ABCA4: variants seen among roughly 807,000 people sequenced by gnomAD.
The protein encoded by ABCA4 is ATP binding cassette subfamily A member 4.
ABCA4 carries 196 observed loss-of-function variants against 263.7 expected under a neutral mutation model. That is an observed-to-expected ratio of 0.74 (90% CI 0.66 to 0.84). The LOEUF (loss-of-function observed/expected upper bound fraction) is 0.84. Ranked by LOEUF, ABCA4 falls within the 40% of genes least tolerant of loss-of-function variation. The pLI, the probability that ABCA4 is intolerant of heterozygous loss-of-function variation, is 0.00. For missense variants in ABCA4, 2,792 were observed against 2,855.1 expected, an observed-to-expected ratio of 0.98 and a Z score of 0.50; for synonymous variants, 1,133 against 1,094.2, an observed-to-expected ratio of 1.04 and a Z score of -0.70.
intron 49 of ABCA4, 67 bp downstream of exon 49, chr1:93,996,042 G>A (rs2100985401): frequency 1.3e-6 from 2 of 1,481,598 alleles, no homozygotes; most frequent in Non-Finnish European, 1.9e-6. Flanking sequence ...CTCAAGCCCA[G>A]TGAACCAGCT....
rs192359973 is a variant in ABCA4, at chr1:94,087,235, C to T, written c.769-3794G>A. 1.8e-3 allele frequency among the ~76,000 whole-genome samples: 280 copies of T among 152,214 alleles called. 2 individuals carry two copies. Among genetic ancestry groups the T allele is most frequent in the African/African-American group, 6.5e-3 (271 of 41,526 alleles). On this transcript the variant is annotated intron_variant, in intron 6 of 49. Coordinates refer to ENST00000370225, the MANE Select transcript of ABCA4 (RefSeq NM_000350.3). The stretch of plus-strand genomic sequence containing the variant: ...CATGCATCTCCTCTTCATTTTTATC[C>T]CCCTGTTGCCTAAACGTCCTAATAA...
At chr1:94,019,395 C>T (rs1659830747) in intron 36 of ABCA4, 187 bp downstream of exon 36, 3 of 664,082 alleles carry the variant, frequency 4.5e-6, no homozygotes, top group South Asian at 3.9e-5. Context: ...TAGCTTCGGG[C>T]TCCTAGTTCT....
At chr1:94,112,676 A>G (rs1249614202) in intron 2 of ABCA4, among the ~76,000 whole-genome samples, 4 of 152,202 alleles carry the variant, frequency 2.6e-5, no homozygotes, top group Non-Finnish European at 5.9e-5. Context: ...CATGCCTATA[A>G]TTCCAGCACT....
rs376893376 is a variant in ABCA4, at chr1:94,015,730, A to G, written c.5312+9T>C. On this transcript the variant is annotated intron_variant, in intron 37 of 49. Transcript: ENST00000370225. ...TCAGAGGCATTAGCTAATGGCCCAA[A>G]CGGCTTACCCATACAGCAGGAGCAG... 6.2e-7 allele frequency: 1 copy of G among 1,611,378 alleles called. No individual in the cohort carries two copies. Among genetic ancestry groups the G allele is most frequent in the African/African-American group, 1.3e-5 (1 of 74,852 alleles).
At chr1:94,100,349 T>G (rs1353520707) in intron 5 of ABCA4, among the ~76,000 whole-genome samples, 1 of 152,248 alleles carries the variant, frequency 6.6e-6, no homozygotes, top group Non-Finnish European at 1.5e-5. Context: ...ATATTATTTC[T>G]TTTAACTTCA....
chr1:94,028,165 G>A (rs868671802), intron 30 of ABCA4, among the ~76,000 whole-genome samples: 10 of 152,166 alleles, frequency 6.6e-5, no homozygotes, highest in Non-Finnish European at 1.2e-4. Context: ...GGGGCTCTCC[G>A]TGTCCCATAC....
chr1:94,073,273 A>G (rs1388347968), intron 11 of ABCA4, among the ~76,000 whole-genome samples: 1 of 151,364 alleles, frequency 6.6e-6, no homozygotes, highest in Non-Finnish European at 1.5e-5. Flanking sequence ...CTCCTCCCCC[A>G]CCCCAAGGGC....
At chr1:94,044,366 G>T (rs996236107) in intron 20 of ABCA4, among the ~76,000 whole-genome samples, 2 of 152,168 alleles carry the variant, frequency 1.3e-5, no homozygotes, top group Non-Finnish European at 2.9e-5. Context: ...CTGTCAGAGC[G>T]AAGGCAGCCT....
At chr1:94,040,342 CAGAG>C (rs777146115) in intron 23 of ABCA4, among the ~76,000 whole-genome samples, 5 of 152,188 alleles carry the variant, frequency 3.3e-5, no homozygotes, top group Admixed American at 6.5e-5. Flanking sequence ...GAGTCACACA[CAGAG>C]AGGAGCAGAA....
intron 14 of ABCA4, among the ~76,000 whole-genome samples, chr1:94,057,517 TG>T (rs1332879388): frequency 1.3e-5 from 2 of 152,218 alleles, no homozygotes; most frequent in Non-Finnish European, 2.9e-5. Flanking sequence ...GCCTGGGGCC[TG>T]GCCTGTCCTA....
intron 6 of ABCA4, among the ~76,000 whole-genome samples, chr1:94,097,425 A>C (rs1466992182): frequency 6.6e-6 from 1 of 152,222 alleles, no homozygotes; most frequent in Non-Finnish European, 1.5e-5. Context: ...TTGAGAGAGC[A>C]GTCATGAAAC....
intron 11 of ABCA4, among the ~76,000 whole-genome samples, chr1:94,073,328 C>T (rs1661454933): frequency 6.6e-6 from 1 of 152,182 alleles, no homozygotes; most frequent in African/African-American, 2.4e-5. Context: ...GGCTTCTGCT[C>T]CCATCATACC....
At position 94,083,447 on chromosome 1, in the gene ABCA4, A is replaced by G. The variant is rs1399365618; in HGVS notation, c.769-6T>C. The G allele has an allele frequency of 2.5e-6, 4 of 1,607,998 alleles. No homozygotes were observed. Among genetic ancestry groups the G allele is most frequent in the Non-Finnish European group, 3.4e-6 (4 of 1,174,906 alleles). Reference sequence around the variant, plus strand: ...CTGTCTAGGAGTGTGGGAAGCTGTAATTGACAGTAAAACAATTTTTTAAAT... The same window carrying G: ...CTGTCTAGGAGTGTGGGAAGCTGTAGTTGACAGTAAAACAATTTTTTAAAT... On this transcript the variant is annotated splice_polypyrimidine_tract_variant and splice_region_variant and intron_variant, in intron 6 of 49. Transcript: ENST00000370225.
At chr1:94,080,788 T>G in intron 7 of ABCA4, 70 bp from the exon 8 acceptor site, 2 of 1,601,630 alleles carry the variant, frequency 1.2e-6, no homozygotes, top group Non-Finnish European at 1.7e-6. Context: ...AGGCCAATGC[T>G]CCAACGTTTG....
At chr1:94,037,955 A>T (rs1660387900) in intron 24 of ABCA4, among the ~76,000 whole-genome samples, 1 of 152,204 alleles carries the variant, frequency 6.6e-6, no homozygotes, top group Admixed American at 6.5e-5. Flanking sequence ...GTCTGTCACC[A>T]GCTATGGGGG....
chr1:94,056,086 C>T (rs1660970735), intron 15 of ABCA4, among the ~76,000 whole-genome samples: 1 of 152,226 alleles, frequency 6.6e-6, no homozygotes, highest in Non-Finnish European at 1.5e-5. Context: ...CTCTCCTGGC[C>T]AGCGAGCCTG....
In ABCA4 at chr1:94,077,768, G is replaced by A. The variant is rs1450354682; in HGVS notation, c.1476C>T (p.Asp492=). The change falls in exon 11 of 50, where the codon GAC becomes GAT. Residue 492 remains aspartate, a synonymous_variant. Coordinates refer to ENST00000370225, the MANE Select transcript of ABCA4 (RefSeq NM_000350.3). ...LYKGPRESQA[D]DMANFDWRDI... ...CCCTCCAGTCGAAGTTGGCCATGTC[G>A]TCAGCCTGGCTTTCCCGAGGGCCCT... 1.5e-5 allele frequency: 25 copies of A among 1,614,176 alleles called. No individual in the cohort carries two copies. The highest frequency in any genetic ancestry group is 3.3e-4 in the Middle Eastern group (2 of 6,062).
chr1:94,058,678 T>C (rs1236543773), intron 14 of ABCA4, among the ~76,000 whole-genome samples: 2 of 152,218 alleles, frequency 1.3e-5, no homozygotes, highest in African/African-American at 4.8e-5. Context: ...CAATTTCTTA[T>C]CCTTGCTCAA....
intron 23 of ABCA4, 126 bp downstream of exon 23, chr1:94,041,083 G>T: frequency 2.0e-6 from 2 of 991,694 alleles, no homozygotes; most frequent in Non-Finnish European, 3.1e-6. Flanking sequence ...TCTGCAAATG[G>T]TCCCAGAACA....
Sources: gnomAD v4.1 joint callset for allele counts (sites outside exome capture counted in the v4.1 genomes callset) on GRCh38, gnomAD v4.1.1 for gene constraint, MANE v1.5 for transcripts, NCBI Gene and HGNC (gene_info 2026-07-23, HGNC 2026-07-21) for gene names.